Variants in CPD observed in about 807,000 individuals in gnomAD.
CPD encodes carboxypeptidase D.
In CPD, 69 loss-of-function variants were observed where a neutral mutation model predicts 138.3. The observed-to-expected ratio is 0.50, with a 90% CI of 0.41 to 0.61. CPD has a LOEUF of 0.61. Among genes scored for constraint, CPD ranks in the 20% least tolerant of loss-of-function variants. CPD has a pLI of 0.00. For missense variants in CPD, 1,432 were observed against 1,733.3 expected (o/e 0.83, Z 3.09); for synonymous variants, 651 against 642.1 (o/e 1.01, Z -0.21).
intron 7 of CPD, among the ~76,000 whole-genome samples, chr17:30,428,397 A>G (rs1343071970): frequency 6.6e-6 from 1 of 152,228 alleles, no homozygotes; most frequent in Non-Finnish European, 1.5e-5. Context: ...ATGAACGTTC[A>G]TTCAGGATTA....
At chr17:30,406,980 A>G (rs778035673) in intron 2 of CPD, among the ~76,000 whole-genome samples, 21 of 152,010 alleles carry the variant, frequency 1.4e-4, no homozygotes, top group Non-Finnish European at 2.5e-4. Context: ...CCACCCGCCT[A>G]CAGGTCCTGG....
At position 30,443,805 on chromosome 17, in the gene CPD, C is replaced by T. The variant is rs1191147517; in HGVS notation, c.2377C>T (p.His793Tyr). The T allele has an allele frequency of 5.0e-6, 8 of 1,608,458 alleles. No homozygotes were observed. The highest frequency in any genetic ancestry group is 6.8e-6 in the Non-Finnish European group (8 of 1,176,160). The part of the protein sequence containing the change: ...RSLIQFMKQV[H>Y]QGVRGFVLDA... ...GGTGTCCTTGTACTTAATCCAGGTTCATCAGGGCGTCAGAGGATTTGTTCT... is the reference window on the plus strand; with the variant it reads ...GGTGTCCTTGTACTTAATCCAGGTTTATCAGGGCGTCAGAGGATTTGTTCT... The change falls in exon 11 of 21, where the codon CAT (histidine) becomes TAT (tyrosine). Residue 793 changes from histidine (H) to tyrosine (Y), a missense_variant. Transcript: ENST00000225719.
At chr17:30,443,568 A>G (rs1325143320) in intron 10 of CPD, among the ~76,000 whole-genome samples, 1 of 152,190 alleles carries the variant, frequency 6.6e-6, no homozygotes, top group African/African-American at 2.4e-5. Context: ...AGAATGTGCT[A>G]AAGTTTAAAC....
chr17:30,458,926 A>G (rs1913376683), intron 17 of CPD, among the ~76,000 whole-genome samples: 1 of 151,300 alleles, frequency 6.6e-6, no homozygotes, highest in African/African-American at 2.4e-5. Flanking sequence ...TCAGTCATTG[A>G]TGCAGTTTAT....
intron 12 of CPD, among the ~76,000 whole-genome samples, chr17:30,448,144 AT>A (rs1455608845): frequency 1.3e-5 from 2 of 152,150 alleles, no homozygotes; most frequent in African/African-American, 4.8e-5. Flanking sequence ...ATTTCTGGCT[AT>A]TTCAGGTTTT....
At chr17:30,448,888 G>A (rs1439782930) in intron 12 of CPD, among the ~76,000 whole-genome samples, 2 of 152,028 alleles carry the variant, frequency 1.3e-5, no homozygotes, top group Non-Finnish European at 2.9e-5. Context: ...GATTGCTTGA[G>A]GCCAGAAGCG....
At chr17:30,429,044 TAGG>T (rs2143434217) in intron 7 of CPD, among the ~76,000 whole-genome samples, 1 of 152,288 alleles carries the variant, frequency 6.6e-6, no homozygotes, top group South Asian at 2.1e-4. Flanking sequence ...TATTTAGATT[TAGG>T]AGGTTAATTG....
chr17:30,390,539 G>A (rs186673297), intron 2 of CPD, among the ~76,000 whole-genome samples: 3 of 152,246 alleles, frequency 2.0e-5, no homozygotes, highest in Admixed American at 1.3e-4. Context: ...GTGATGTACC[G>A]GTATACAGTG....
At chr17:30,399,522 G>A (rs867239252) in intron 2 of CPD, among the ~76,000 whole-genome samples, 1 of 151,812 alleles carries the variant, frequency 6.6e-6, no homozygotes, top group Admixed American at 6.6e-5. Flanking sequence ...GAATTATGTC[G>A]TTTTGGTGAA....
intron 2 of CPD, among the ~76,000 whole-genome samples, chr17:30,409,805 G>A (rs886665038): frequency 2.6e-5 from 4 of 152,108 alleles, no homozygotes; most frequent in Non-Finnish European, 5.9e-5. Flanking sequence ...CAAAAAACCA[G>A]CTCCTGGATT....
rs76570178 is a variant in CPD, at chr17:30,466,612, A to G, written c.*1798A>G. 3,391 of 152,646 alleles carry G rather than the reference A, an allele frequency of 0.022. 73 individuals are homozygous for G. The highest frequency in any genetic ancestry group is 0.037 in the Admixed American group (570 of 15,284). The allele number at this position is 152,646 out of a possible 1,614,324, so 9.5% of individuals were successfully genotyped here. On this transcript the variant is annotated 3_prime_UTR_variant, in exon 21 of 21. Transcript: ENST00000225719. ...AATAATCTTTATGTTTTCTTTAAGG[A>G]TGGTGGTGTATTGCTCTTTTTCAGC... is the stretch of plus-strand genomic sequence containing the variant.
chr17:30,394,116 CTTTTTTTTTTTT>C lies in CPD; in HGVS notation c.994+8898_994+8909del, dbSNP rs35779169. ...TATGATTGCACCACTGCACTCCAGC[CTTTTTTTTTTTT>C]TTTTTTTTTTTTTTTTTGACAGGGG... is the stretch of plus-strand genomic sequence containing the variant. On this transcript the variant is annotated intron_variant, in intron 2 of 20. Coordinates refer to ENST00000225719, the MANE Select transcript of CPD (RefSeq NM_001304.5). 1.6e-3 allele frequency among the ~76,000 whole-genome samples: 64 copies of C among 40,860 alleles called. 1 individual carries two copies. Among genetic ancestry groups the C allele is most frequent in the African/African-American group, 2.5e-3 (23 of 9,368 alleles). The allele number at this position is 40,860 out of a possible 152,430, so 26.8% of individuals were successfully genotyped here.
chr17:30,386,658 C>T (rs1911197194), intron 2 of CPD, among the ~76,000 whole-genome samples: 1 of 152,202 alleles, frequency 6.6e-6, no homozygotes, highest in South Asian at 2.1e-4. Context: ...CTTTCTATCT[C>T]TGTGAATTTG....
chr17:30,462,079 G>C lies in CPD; in HGVS notation c.3816+17G>C, dbSNP rs1444028276. 6 of 1,582,076 alleles carry C rather than the reference G, an allele frequency of 3.8e-6. No individual in the cohort carries two copies. The highest frequency in any genetic ancestry group is 1.4e-5 in the African/African-American group (1 of 73,008). On this transcript the variant is annotated intron_variant, in intron 19 of 20. Transcript: ENST00000225719. ...CATTCACAGGTAAGAAACTCAAATT[G>C]AGTAGCATCATGTAAATTTTTATTC...
intron 9 of CPD, 102 bp downstream of exon 9, chr17:30,439,179 A>T (rs1912782232): frequency 3.1e-6 from 2 of 654,370 alleles, no homozygotes; most frequent in African/African-American, 1.9e-5. Context: ...AATAATAATT[A>T]TTTTTAAAAC....
chr17:30,449,540 TGG>T lies in CPD; in HGVS notation c.2874-12_2874-11del. The T allele has an allele frequency of 6.4e-7, 1 of 1,566,270 alleles. No homozygotes were observed. The highest frequency in any genetic ancestry group is 1.4e-5 in the African/African-American group (1 of 71,752). On this transcript the variant is annotated splice_polypyrimidine_tract_variant and intron_variant, in intron 12 of 20. Transcript: ENST00000225719. ...GATTACTTGCTGATTTTTTTGTTTC[TGG>T]TTTTTGAAAGTTTGGGACAGAGCAC...
intron 19 of CPD, 119 bp downstream of exon 19, chr17:30,462,181 C>A: frequency 9.0e-7 from 1 of 1,112,094 alleles, no homozygotes; most frequent in Non-Finnish European, 1.3e-6. Flanking sequence ...AGTGTGACTG[C>A]CTCTTGATTA....
rs758310112 is a variant in CPD, at chr17:30,427,465, G to T, written c.1924G>T (p.Val642Phe). The change falls in exon 7 of 21, where the codon GTT becomes TTT. Residue 642 changes from valine (V) to phenylalanine (F), a missense_variant. This residue lies in a region of CPD where 297 missense variants were observed against 405.3 expected (regional missense o/e 0.73). Transcript: ENST00000225719. The part of the protein sequence containing the change: ...DLNRNFPDQF[V>F]QITDPTQPET... ...GAACCGAAATTTCCCAGACCAGTTTGTTCAGATCACAGATCCTACGCAACC... is the reference window on the plus strand; with the variant it reads ...GAACCGAAATTTCCCAGACCAGTTTTTTCAGATCACAGATCCTACGCAACC... 71 of 1,614,032 alleles carry T rather than the reference G, an allele frequency of 4.4e-5. 1 individual carries two copies. The South Asian group carries it at 6.7e-4, about 15-fold the overall frequency.
chr17:30,390,631 G>A (rs2143319357), intron 2 of CPD, among the ~76,000 whole-genome samples: 1 of 152,250 alleles, frequency 6.6e-6, no homozygotes, highest in South Asian at 2.1e-4. Flanking sequence ...TTGGGCCCTA[G>A]TGCCTTTGCC....
Sources: gnomAD v4.1 joint callset for allele counts (sites outside exome capture counted in the v4.1 genomes callset) on GRCh38, gnomAD v4.1.1 for gene constraint, gnomAD v4.1.1 regional missense constraint, MANE v1.5 for transcripts, NCBI Gene and HGNC (gene_info 2026-07-23, HGNC 2026-07-21) for gene names.